The following DOCK3 variants were observed in gnomAD, a reference collection of about 807,000 sequenced individuals.
DOCK3 encodes the protein dedicator of cytokinesis protein 3.
DOCK3 carries 60 observed loss-of-function variants against 265.6 expected under a neutral mutation model. The observed-to-expected ratio is 0.23, with a 90% CI of 0.18 to 0.28. The LOEUF (loss-of-function observed/expected upper bound fraction) is 0.28. DOCK3 is among the 10% of genes least tolerant of loss of function. The pLI, the probability that DOCK3 is intolerant of heterozygous loss-of-function variation, is 1.00. For synonymous variants in DOCK3, 881 were observed against 938.0 expected, an observed-to-expected ratio of 0.94 and a Z score of 1.11; for missense variants, 1,981 against 2,594.3, an observed-to-expected ratio of 0.76 and a Z score of 5.14.
At chr3:51,362,416 G>T in intron 48 of DOCK3, 111 bp from the exon 49 acceptor site, 2 of 1,398,302 alleles carry the variant, frequency 1.4e-6, no homozygotes, top group Non-Finnish European at 9.8e-7. Flanking sequence ...TCAGGGGATA[G>T]CATAAGGCAC....
intron 23 of DOCK3, among the ~76,000 whole-genome samples, chr3:51,264,669 T>C (rs1226071625): frequency 1.3e-5 from 2 of 150,316 alleles, no homozygotes; most frequent in East Asian, 3.9e-4. Flanking sequence ...CTACTAAAAA[T>C]ACAAAAAATT....
At chr3:51,248,696 C>T (rs998000458) in intron 22 of DOCK3, among the ~76,000 whole-genome samples, 1 of 151,730 alleles carries the variant, frequency 6.6e-6, no homozygotes, top group African/African-American at 2.4e-5. Context: ...GCTGCCCAGT[C>T]TGGAAAGTGA....
intron 12 of DOCK3, among the ~76,000 whole-genome samples, chr3:51,197,596 C>T (rs1187664097): frequency 6.6e-6 from 1 of 152,162 alleles, no homozygotes. Flanking sequence ...TGCCAGGACC[C>T]TGGTCTGTGT....
At chr3:51,204,511 A>T (rs2089048501) in intron 12 of DOCK3, among the ~76,000 whole-genome samples, 1 of 146,962 alleles carries the variant, frequency 6.8e-6, no homozygotes, top group African/African-American at 2.5e-5. Context: ...AAAAGTCAGG[A>T]AACAACAGGT....
At chr3:50,905,827 C>T (rs2049461693) in intron 4 of DOCK3, among the ~76,000 whole-genome samples, 2 of 152,106 alleles carry the variant, frequency 1.3e-5, no homozygotes, top group Non-Finnish European at 2.9e-5. Flanking sequence ...GACAGGGCAT[C>T]CCTGTCTTGT....
intron 2 of DOCK3, among the ~76,000 whole-genome samples, chr3:50,805,390 G>A (rs1343081537): frequency 1.3e-5 from 2 of 152,174 alleles, no homozygotes; most frequent in Non-Finnish European, 2.9e-5. Context: ...CAGTAGATCA[G>A]CCAACTTGGG....
chr3:51,362,025 C>T, intron 48 of DOCK3, 28 bp downstream of exon 48: 1 of 1,587,510 alleles, frequency 6.3e-7, no homozygotes, highest in East Asian at 2.3e-5. Flanking sequence ...GAGAGTGGGC[C>T]AGGGCACCAT....
At chr3:51,356,918 T>C (rs2086404424) in intron 43 of DOCK3, 44 bp from the exon 44 acceptor site, 5 of 1,563,946 alleles carry the variant, frequency 3.2e-6, no homozygotes, top group African/African-American at 1.4e-5. Context: ...TGATGAGGGG[T>C]TATCATCATT....
chr3:50,896,740 G>T (rs1035579467), intron 4 of DOCK3, among the ~76,000 whole-genome samples: 4 of 152,064 alleles, frequency 2.6e-5, no homozygotes, highest in African/African-American at 9.7e-5. Flanking sequence ...CATTTATTAA[G>T]TAGGCAATCA....
At chr3:51,321,565 G>A (rs1175915861) in intron 32 of DOCK3, among the ~76,000 whole-genome samples, 1 of 152,102 alleles carries the variant, frequency 6.6e-6, no homozygotes, top group Non-Finnish European at 1.5e-5. Flanking sequence ...CTAATGCAAG[G>A]AAGCCAAGAA....
chr3:50,805,540 G>A (rs561624580), intron 2 of DOCK3, among the ~76,000 whole-genome samples: 8 of 152,308 alleles, frequency 5.3e-5, no homozygotes, highest in African/African-American at 1.2e-4. Flanking sequence ...CAGGCACACC[G>A]CTGCTTAGCT....
intron 2 of DOCK3, chr3:50,787,504 C>T: frequency 1.9e-6 from 1 of 518,360 alleles, no homozygotes; most frequent in Non-Finnish European, 3.4e-6. Flanking sequence ...CATTGCACTC[C>T]AGCCTGGGCA....
At chr3:50,758,583 A>T (rs1327407733) in intron 1 of DOCK3, among the ~76,000 whole-genome samples, 1 of 152,130 alleles carries the variant, frequency 6.6e-6, no homozygotes, top group African/African-American at 2.4e-5. Context: ...GTACATACAT[A>T]CTGTTGTTAA....
chr3:51,250,621 G>A (rs2079164221), intron 22 of DOCK3, among the ~76,000 whole-genome samples: 1 of 152,060 alleles, frequency 6.6e-6, no homozygotes, highest in South Asian at 2.1e-4. Context: ...TCCATCTCAA[G>A]AGAAAACAAA....
intron 12 of DOCK3, among the ~76,000 whole-genome samples, chr3:51,193,760 T>C (rs1302348350): frequency 6.6e-6 from 1 of 151,408 alleles, no homozygotes; most frequent in Non-Finnish European, 1.5e-5. Context: ...TCAGTTGTAA[T>C]GTCTTCTTTG....
At chr3:51,043,519 G>A (rs1477771181) in intron 5 of DOCK3, among the ~76,000 whole-genome samples, 1 of 152,010 alleles carries the variant, frequency 6.6e-6, no homozygotes, top group Non-Finnish European at 1.5e-5. Context: ...TCAGAATATA[G>A]GCACAGGCAA....
chr3:51,079,700 C>G (rs996376234), intron 7 of DOCK3, among the ~76,000 whole-genome samples: 2 of 152,044 alleles, frequency 1.3e-5, no homozygotes, highest in Non-Finnish European at 1.5e-5. Context: ...CCTTAGTGCT[C>G]TTCAATTCTG....
intron 12 of DOCK3, among the ~76,000 whole-genome samples, chr3:51,208,108 C>T (rs2089315918): frequency 6.6e-6 from 1 of 152,174 alleles, no homozygotes; most frequent in Non-Finnish European, 1.5e-5. Context: ...TATTTTGTCT[C>T]AATCCCATAG....
At chr3:50,875,181 G>A (rs1457054143) in intron 3 of DOCK3, among the ~76,000 whole-genome samples, 1 of 151,970 alleles carries the variant, frequency 6.6e-6, no homozygotes, top group African/African-American at 2.4e-5. Flanking sequence ...AAACCTGCAC[G>A]TTCTGCACAT....
Sources: allele counts gnomAD v4.1 joint callset (sites outside exome capture counted in the v4.1 genomes callset), GRCh38; gene constraint gnomAD v4.1.1; transcripts MANE v1.5; gene names NCBI Gene and HGNC (gene_info 2026-07-23, HGNC 2026-07-21).